PRTG: variants seen among roughly 807,000 people sequenced by gnomAD.
PRTG encodes the protein immunoglobulin superfamily, DCC subclass, member 5.
In PRTG, 67 loss-of-function variants were observed where a neutral mutation model predicts 122.5. The observed-to-expected ratio is 0.55, with a 90% CI of 0.45 to 0.67. The LOEUF (loss-of-function observed/expected upper bound fraction) is 0.67. PRTG is among the 30% of genes least tolerant of loss of function. The pLI, the probability that PRTG is intolerant of heterozygous loss-of-function variation, is 0.00. For synonymous variants in PRTG, 554 were observed against 501.1 expected (o/e 1.11, Z -1.41); for missense variants, 1,435 against 1,415.4 (o/e 1.01, Z -0.22).
At chr15:55,741,575 C>T (rs2031610041) in intron 1 of PRTG, among the ~76,000 whole-genome samples, 1 of 152,114 alleles carries the variant, frequency 6.6e-6, no homozygotes, top group Admixed American at 6.5e-5. Context: ...CTGTCACCTC[C>T]TGCATTTAGT....
chr15:55,628,677 CTA>C, intron 16 of PRTG, 143 bp downstream of exon 16: 1 of 610,504 alleles, frequency 1.6e-6, no homozygotes. Flanking sequence ...CCATGCAACT[CTA>C]TAACATCAGA....
chr15:55,741,318 T>C (rs2031599470), intron 1 of PRTG, among the ~76,000 whole-genome samples: 1 of 152,246 alleles, frequency 6.6e-6, no homozygotes, highest in East Asian at 1.9e-4. Flanking sequence ...TTTGAAAAGT[T>C]GGTAACTCTT....
chr15:55,690,609 GA>G (rs1475427577), intron 2 of PRTG, among the ~76,000 whole-genome samples: 3 of 152,072 alleles, frequency 2.0e-5, no homozygotes, highest in African/African-American at 7.2e-5. Flanking sequence ...CAGCCTTTTG[GA>G]TTTGGGATGC....
intron 11 of PRTG, among the ~76,000 whole-genome samples, chr15:55,651,920 T>C (rs2059355311): frequency 6.6e-6 from 1 of 152,140 alleles, no homozygotes; most frequent in African/African-American, 2.4e-5. Context: ...CATCCTTCTA[T>C]GGAAATTCTC....
chr15:55,713,890 G>T (rs2030494705), intron 2 of PRTG, among the ~76,000 whole-genome samples: 1 of 151,998 alleles, frequency 6.6e-6, no homozygotes, highest in African/African-American at 2.4e-5. Context: ...CTGAAATTCA[G>T]AAGTTTAAAA....
chr15:55,674,752 C>A (rs911447880), intron 9 of PRTG, among the ~76,000 whole-genome samples: 1 of 152,094 alleles, frequency 6.6e-6, no homozygotes, highest in Non-Finnish European at 1.5e-5. Context: ...AAGAGCAGAT[C>A]ATTGCTTGAG....
intron 2 of PRTG, among the ~76,000 whole-genome samples, chr15:55,697,466 T>C (rs2059637847): frequency 6.6e-6 from 1 of 152,206 alleles, no homozygotes; most frequent in Non-Finnish European, 1.5e-5. Flanking sequence ...AGAAGGGATT[T>C]TGGCTGTTAT....
At chr15:55,708,926 G>C (rs184373987) in intron 2 of PRTG, among the ~76,000 whole-genome samples, 127 of 151,884 alleles carry the variant, frequency 8.4e-4, no homozygotes, top group African/African-American at 2.8e-3. Context: ...AGGCAGATTA[G>C]GTGAGGTCAG....
chr15:55,649,969 G>A (rs189237125), intron 11 of PRTG, among the ~76,000 whole-genome samples: 8 of 152,194 alleles, frequency 5.3e-5, no homozygotes, highest in Middle Eastern at 3.4e-3. Flanking sequence ...ATCAAGTTTC[G>A]TCATCTATAA....
intron 11 of PRTG, among the ~76,000 whole-genome samples, chr15:55,653,970 C>T (rs1472493796): frequency 6.6e-6 from 1 of 151,956 alleles, no homozygotes; most frequent in African/African-American, 2.4e-5. Flanking sequence ...AAATGTATTA[C>T]CTTAGGATGT....
chr15:55,672,569 C>G lies in PRTG; in HGVS notation c.1917G>C (p.Gln639His). 1 of 1,614,098 alleles carries G rather than the reference C, an allele frequency of 6.2e-7. No homozygotes were observed. Among genetic ancestry groups the G allele is most frequent in the South Asian group, 1.1e-5 (1 of 91,074 alleles). The change falls in exon 11 of 20, where the codon CAG becomes CAC. Residue 639 changes from glutamine (Q) to histidine (H), a missense_variant. Coordinates refer to ENST00000389286, the MANE Select transcript of PRTG (RefSeq NM_173814.6). The stretch of plus-strand genomic sequence containing the variant: ...TAGCAGCTGTGTCCTCTACATCTTG[C>G]TGCCACCTCACAGAAATGGTGGTAC... ...LNCTTISVRW[Q>H]QDVEDTAAIQ...
Position 55,641,094 on chromosome 15 carries a change from T to G in PRTG, c.2137+19A>C, listed in dbSNP as rs1359824910. 6.4e-7 allele frequency: 1 copy of G among 1,562,222 alleles called. No individual in the cohort carries two copies. Among genetic ancestry groups the G allele is most frequent in the African/African-American group, 1.4e-5 (1 of 73,828 alleles). On this transcript the variant is annotated intron_variant, in intron 12 of 19. Coordinates refer to ENST00000389286, the MANE Select transcript of PRTG (RefSeq NM_173814.6). ...CGGTGTGAGCCATAGTAAAACAAAC[T>G]GCCATGGCTTTCACTTACACACGCA...
chr15:55,740,741 C>T, intron 1 of PRTG, 57 bp from the exon 2 acceptor site: 1 of 1,417,596 alleles, frequency 7.1e-7, no homozygotes, highest in Non-Finnish European at 9.7e-7. Context: ...AAAATGATTC[C>T]TTAACACACA....
At chr15:55,706,046 G>T in intron 2 of PRTG, among the ~76,000 whole-genome samples, 1 of 44,758 alleles carries the variant, frequency 2.2e-5, no homozygotes, top group East Asian at 3.2e-4. Context: ...ATTTTTAGTA[G>T]AGACGGGATT....
intron 2 of PRTG, among the ~76,000 whole-genome samples, chr15:55,684,311 A>G (rs905880977): frequency 3.9e-5 from 6 of 152,252 alleles, no homozygotes; most frequent in African/African-American, 1.4e-4. Flanking sequence ...TAATCAGGTA[A>G]AAACCATTTA....
intron 1 of PRTG, among the ~76,000 whole-genome samples, chr15:55,741,783 C>T (rs1658419475): frequency 6.6e-6 from 1 of 152,170 alleles, no homozygotes; most frequent in Non-Finnish European, 1.5e-5. Flanking sequence ...TAATGTATGC[C>T]CAGGGCGACG....
chr15:55,698,545 C>A (rs1175542846), intron 2 of PRTG, among the ~76,000 whole-genome samples: 2 of 152,176 alleles, frequency 1.3e-5, no homozygotes, highest in Non-Finnish European at 2.9e-5. Flanking sequence ...CCTGCCTCAG[C>A]CTCCCAAAGT....
chr15:55,676,272 G>GT (rs5812809), intron 8 of PRTG, among the ~76,000 whole-genome samples: 115 of 147,628 alleles, frequency 7.8e-4, no homozygotes, highest in African/African-American at 1.4e-3. Flanking sequence ...CCCACAGTGA[G>GT]TTTTTTTTTT....
At position 55,616,684 on chromosome 15, in the gene PRTG, A is replaced by G. The variant is rs1464844998; in HGVS notation, c.*3328T>C. On this transcript the variant is annotated 3_prime_UTR_variant, in exon 20 of 20. Transcript: ENST00000389286. ...GTTTAATGTACAACTATATTTGCCT[A>G]TATGCGGAGGTAACCTTAAATATCT... 4 of 152,182 alleles carry G rather than the reference A, an allele frequency of 2.6e-5. No homozygotes were observed. The highest frequency in any genetic ancestry group is 1.5e-5 in the Non-Finnish European group (1 of 68,004). The allele number at this position is 152,182 out of a possible 1,614,324, so 9.4% of individuals were successfully genotyped here.
Sources: gnomAD v4.1 joint callset for allele counts (sites outside exome capture counted in the v4.1 genomes callset) on GRCh38, gnomAD v4.1.1 for gene constraint, MANE v1.5 for transcripts, NCBI Gene and HGNC (gene_info 2026-07-23, HGNC 2026-07-21) for gene names.